Variants in ADGRV1 observed in about 807,000 individuals in gnomAD.
The protein encoded by ADGRV1 is adhesion G protein-coupled receptor V1, also known as G-protein coupled receptor 98.
A neutral mutation model predicts 596.2 loss-of-function variants in ADGRV1; 359 were observed. The ratio of observed to expected loss-of-function variants is 0.60; its 90% CI spans 0.55 to 0.66. The LOEUF is 0.66. Ranked by LOEUF, ADGRV1 falls within the 30% of genes least tolerant of loss-of-function variation. ADGRV1 has a pLI of 0.00. For synonymous variants in ADGRV1, 2,681 were observed against 2,679.2 expected (o/e 1.00, Z -0.02); for missense variants, 7,274 against 7,575.6 (o/e 0.96, Z 1.48).
At chr5:90,964,302 T>C (rs1209883475) in intron 83 of ADGRV1, among the ~76,000 whole-genome samples, 1 of 152,148 alleles carries the variant, frequency 6.6e-6, no homozygotes, top group African/African-American at 2.4e-5. Flanking sequence ...AGTCAACTAG[T>C]TTTTTCCTCT....
chr5:91,098,540 A>G (rs1448603332), intron 86 of ADGRV1, among the ~76,000 whole-genome samples: 1 of 152,176 alleles, frequency 6.6e-6, no homozygotes, highest in Non-Finnish European at 1.5e-5. Flanking sequence ...TGTTTCTTCT[A>G]TCTGAAATCA....
rs5869522 is a variant in ADGRV1 at position 90,813,132 on chromosome 5, CAAAAAAAAAAAAAAAAAA to C, written c.16078+1809_16078+1826del. On this transcript the variant is annotated intron_variant, in intron 74 of 89. Transcript: ENST00000405460. ...TGGGCGACAGAGTAAGACTCCGTCT[CAAAAAAAAAAAAAAAAAA>C]AAAAAAAAAAAAAATTTATTTGGCA... Among the ~76,000 whole-genome samples, 15 of 34,914 alleles carry C rather than the reference CAAAAAAAAAAAAAAAAAA, an allele frequency of 4.3e-4. 1 individual carries two copies. The highest frequency in any genetic ancestry group is 3.6e-3 in the Admixed American group (5 of 1,408). The allele number at this position is 34,914 out of a possible 152,430, so 22.9% of individuals were successfully genotyped here. A position where few individuals can be genotyped will look rare whatever the true frequency, so the allele number is the denominator to read the frequency against.
chr5:90,651,966 C>T (rs1768694256), intron 18 of ADGRV1, among the ~76,000 whole-genome samples: 1 of 151,126 alleles, frequency 6.6e-6, no homozygotes, highest in Admixed American at 6.6e-5. Context: ...GTTCAAACTT[C>T]AATCCTTTGT....
chr5:90,879,518 T>C (rs1418678223), intron 83 of ADGRV1, among the ~76,000 whole-genome samples: 2 of 152,238 alleles, frequency 1.3e-5, no homozygotes, highest in Non-Finnish European at 2.9e-5. Context: ...CATAGATTCC[T>C]GTTATCAAAG....
At position 90,759,521 on chromosome 5, in the gene ADGRV1, T is replaced by A. The variant is rs748758216; in HGVS notation, c.12053T>A (p.Val4018Asp). ...VAGGGRLGDD[V>D]VVTVVIPQND... ...GGAGGTGGCAGACTTGGTGATGATG[T>A]TGTGGTAACTGTTGTTATTCCACAA... Residue 4018 changes from valine (V) to aspartate (D), a missense_variant, in exon 58 of 90, where the codon GTT (valine) becomes GAT (aspartate). Physicochemically the swap from Val to Asp is radical, Grantham distance 152. Around this residue, in one of 5 missense-constraint regions of ADGRV1, gnomAD observed 3,643 missense variants for 3,809.2 expected, o/e 0.96. Transcript: ENST00000405460. The A allele has an allele frequency of 4.3e-6, 7 of 1,613,330 alleles. No homozygotes were observed. In the South Asian group the frequency reaches 7.7e-5, roughly 18 times the overall value.
At position 90,629,537 on chromosome 5, in the gene ADGRV1, C is replaced by T; in HGVS notation, c.1837C>T (p.Gln613Ter). The T allele has an allele frequency of 6.3e-7, 1 of 1,598,376 alleles. No individual in the cohort carries two copies. The highest frequency in any genetic ancestry group is 8.5e-7 in the Non-Finnish European group (1 of 1,169,682). ...TCAAAATGGAGCTCACTTTCTAGTA[C>T]AGGTACTTGTATGATTAAAATAATC... The part of the protein sequence containing the change: ...FLQNGAHFLV[Q>*]LETVELLNII... Residue 613 changes from glutamine to a stop codon, truncating the protein, a stop_gained and splice_region_variant, in exon 9 of 90, where the codon CAG (glutamine) becomes TAG (stop). Transcript: ENST00000405460. LOFTEE classifies it high-confidence loss of function.
chr5:90,561,557 C>T (rs1196401318), intron 1 of ADGRV1, among the ~76,000 whole-genome samples: 2 of 152,092 alleles, frequency 1.3e-5, no homozygotes, highest in African/African-American at 4.8e-5. Context: ...ATGCAAAATC[C>T]TTGAAGACAG....
intron 83 of ADGRV1, among the ~76,000 whole-genome samples, chr5:90,876,878 C>A (rs565910001): frequency 6.6e-6 from 1 of 152,044 alleles, no homozygotes; most frequent in Non-Finnish European, 1.5e-5. Context: ...TGTACTATGA[C>A]GCAGTAATGT....
intron 39 of ADGRV1, 58 bp downstream of exon 39, chr5:90,708,967 T>A: frequency 8.6e-7 from 1 of 1,163,816 alleles, no homozygotes; most frequent in Non-Finnish European, 1.3e-6. Flanking sequence ...TGAAGAAACT[T>A]CATTTTTGAA....
chr5:90,860,714 T>C (rs1365860915), intron 82 of ADGRV1, among the ~76,000 whole-genome samples: 1 of 145,806 alleles, frequency 6.9e-6, no homozygotes, highest in African/African-American at 2.6e-5. Flanking sequence ...ATACATTAGG[T>C]GGTATAATAA....
intron 83 of ADGRV1, among the ~76,000 whole-genome samples, chr5:90,869,255 G>A (rs891916903): frequency 6.6e-6 from 1 of 152,064 alleles, no homozygotes; most frequent in African/African-American, 2.4e-5. Context: ...TCTAGGCAAG[G>A]AAAAGAACAA....
rs727503079 is a variant in ADGRV1 at position 90,763,292 on chromosome 5, T to C, written c.12121-13T>C. On this transcript the variant is annotated splice_polypyrimidine_tract_variant and intron_variant, in intron 58 of 89. Coordinates refer to ENST00000405460, the MANE Select transcript of ADGRV1 (RefSeq NM_032119.4). ...TTTTTTTTGTTTGGCCTTACTGAAT[T>C]TTCTTCTTTCAGGTAATGATTGATG... 65 of 1,513,842 alleles carry C rather than the reference T, an allele frequency of 4.3e-5. 1 individual carries two copies. The South Asian group carries it at 6.9e-4, about 16-fold the overall frequency. The allele number at this position is 1,513,842 out of a possible 1,614,324, so 93.8% of individuals were successfully genotyped here. A position where few individuals can be genotyped will look rare whatever the true frequency, so the allele number is the denominator to read the frequency against.
At position 91,158,895 on chromosome 5, in the gene ADGRV1, GGATGGATA is replaced by G. The variant is rs1248518207; in HGVS notation, c.18803-4882_18803-4875del. Among the ~76,000 whole-genome samples, 334 of 149,748 alleles carry G rather than the reference GGATGGATA, an allele frequency of 2.2e-3. 1 individual carries two copies. The highest frequency in any genetic ancestry group is 8.1e-3 in the African/African-American group (323 of 39,908). ...TGGATGGATGGATGGATGGATGGATGGATGGATAGATGCATGGGATTCAGGAAGAGTGA... is the reference window on the plus strand; with the variant it reads ...TGGATGGATGGATGGATGGATGGATGGATGCATGGGATTCAGGAAGAGTGA... On this transcript the variant is annotated intron_variant, in intron 89 of 89. Transcript: ENST00000405460.
intron 85 of ADGRV1, among the ~76,000 whole-genome samples, chr5:91,023,154 A>G (rs1314685153): frequency 6.6e-6 from 1 of 152,190 alleles, no homozygotes; most frequent in Non-Finnish European, 1.5e-5. Context: ...ACCTTTCTTT[A>G]TAAACAAGTG....
chr5:90,628,643 T>TGTG lies in ADGRV1; in HGVS notation c.1321_1322insTGG (p.Thr440_Asp441insVal). The TGTG allele has an allele frequency of 6.2e-7, 1 of 1,613,994 alleles. No individual in the cohort carries two copies. Among genetic ancestry groups the TGTG allele is most frequent in the Non-Finnish European group, 8.5e-7 (1 of 1,179,870 alleles). On this transcript the variant is annotated inframe_insertion, in exon 8 of 90. Transcript: ENST00000405460. Reference sequence around the variant, plus strand: ...ATTGGGTGTTGACACGGAACAGCACTGATCCCTCACCAGTAACAGCAGATA... The same window carrying TGTG: ...ATTGGGTGTTGACACGGAACAGCACTGTGGATCCCTCACCAGTAACAGCAGATA...
At chr5:91,133,289 C>T (rs1794364691) in intron 87 of ADGRV1, among the ~76,000 whole-genome samples, 1 of 152,168 alleles carries the variant, frequency 6.6e-6, no homozygotes, top group South Asian at 2.1e-4. Flanking sequence ...ATAGATTGGA[C>T]TTGGGGCCAG....
intron 75 of ADGRV1, among the ~76,000 whole-genome samples, chr5:90,819,106 C>T (rs1306279327): frequency 6.6e-6 from 1 of 152,122 alleles, no homozygotes; most frequent in Non-Finnish European, 1.5e-5. Context: ...TGTTATTGGT[C>T]TATTCAGAGA....
intron 83 of ADGRV1, among the ~76,000 whole-genome samples, chr5:90,950,869 TC>T (rs1777001710): frequency 6.6e-6 from 1 of 152,114 alleles, no homozygotes; most frequent in South Asian, 2.1e-4. Flanking sequence ...ATAATGTTTT[TC>T]TGTTACCTGT....
intron 85 of ADGRV1, among the ~76,000 whole-genome samples, chr5:91,004,863 G>C (rs546714230): frequency 6.6e-6 from 1 of 152,220 alleles, no homozygotes; most frequent in East Asian, 1.9e-4. Flanking sequence ...CTAGGGGAGA[G>C]AGCATGGCTT....
Sources: gnomAD v4.1 joint callset for allele counts (sites outside exome capture counted in the v4.1 genomes callset) on GRCh38, gnomAD v4.1.1 for gene constraint, gnomAD v4.1.1 regional missense constraint, MANE v1.5 for transcripts, NCBI Gene and HGNC (gene_info 2026-07-23, HGNC 2026-07-21) for gene names.